PRUNE2: variants seen among roughly 807,000 people sequenced by gnomAD.
PRUNE2 encodes the protein protein prune homolog 2.
Under a neutral mutation model 252.0 loss-of-function variants are expected in PRUNE2, and 164 were observed. The observed-to-expected ratio is 0.65, with a 90% CI of 0.57 to 0.74. The LOEUF is 0.74. Among genes scored for constraint, PRUNE2 ranks in the 30% least tolerant of loss-of-function variants. The pLI, the probability that PRUNE2 is intolerant of heterozygous loss-of-function variation, is 0.00. For synonymous variants in PRUNE2, 1,292 were observed against 1,350.2 expected (o/e 0.96, Z 0.94); for missense variants, 3,495 against 3,711.0 (o/e 0.94, Z 1.51).
chr9:76,804,294 G>A (rs1463778766), intron 6 of PRUNE2, among the ~76,000 whole-genome samples: 1 of 152,212 alleles, frequency 6.6e-6, no homozygotes, highest in African/African-American at 2.4e-5. Context: ...CTATTGCCCA[G>A]GCTTCGGTTG....
At chr9:76,858,785 AAG>A (rs2060398921) in intron 1 of PRUNE2, among the ~76,000 whole-genome samples, 1 of 151,840 alleles carries the variant, frequency 6.6e-6, no homozygotes, top group South Asian at 2.1e-4. Flanking sequence ...AAGAAAAAAA[AAG>A]AAAGTGGCAT....
intron 6 of PRUNE2, among the ~76,000 whole-genome samples, chr9:76,775,093 C>T (rs145996722): frequency 1.6e-3 from 243 of 152,260 alleles, no homozygotes; most frequent in Non-Finnish European, 2.4e-3. Context: ...CTGTTACTTG[C>T]TAAGCTGAAC....
In PRUNE2 at chr9:76,614,210, A is replaced by G. The variant is rs990431359; in HGVS notation, c.*360T>C. ...CACCAAAAGGAAATCCAGCTAATCT[A>G]TGGAAACAAATCCACTCATACTTAA... On this transcript the variant is annotated 3_prime_UTR_variant, in exon 19 of 19. Transcript: ENST00000376718. 6 of 245,722 alleles carry G rather than the reference A, an allele frequency of 2.4e-5. 1 individual carries two copies. Among genetic ancestry groups the G allele is most frequent in the Admixed American group, 1.7e-4 (3 of 17,402 alleles). The allele number at this position is 245,722 out of a possible 1,614,324, so 15.2% of individuals were successfully genotyped here.
intron 1 of PRUNE2, among the ~76,000 whole-genome samples, chr9:76,892,029 T>C (rs371351026): frequency 1.3e-5 from 2 of 149,774 alleles, no homozygotes; most frequent in East Asian, 3.9e-4. Context: ...TTTGAAATAA[T>C]TGAGAGAGGA....
Position 76,629,202 on chromosome 9 carries a change from T to A in PRUNE2, c.9139A>T (p.Ser3047Cys). 6.3e-7 allele frequency: 1 copy of A among 1,597,144 alleles called. No individual in the cohort carries two copies. ...ACTGTCAGGACTTACTTGATGATGC[T>A]CTCTGGAATGTGGATGCAATCCATT... is the stretch of plus-strand genomic sequence containing the variant. The part of the protein sequence containing the change: ...IPMDCIHIPE[S>C]IIKLDEELRE... Residue 3047 changes from serine (S) to cysteine (C), a missense_variant, in exon 16 of 19, where the codon AGC (serine) becomes TGC (cysteine). Transcript: ENST00000376718.
intron 6 of PRUNE2, among the ~76,000 whole-genome samples, chr9:76,714,556 A>G (rs1413394222): frequency 6.6e-6 from 1 of 151,896 alleles, no homozygotes; most frequent in Non-Finnish European, 1.5e-5. Context: ...CACCATGCCC[A>G]GCTAATTTAT....
In PRUNE2 at chr9:76,799,748, T is replaced by C. The variant is rs906260070; in HGVS notation, c.756+23884A>G. Among the ~76,000 whole-genome samples the C allele has an allele frequency of 3.9e-5, 6 of 152,366 alleles. No homozygotes were observed. In the East Asian group the frequency reaches 7.7e-4, roughly 20 times the overall value. ...ACTGTAGATATCTTTATAGATACCA[T>C]AAAACTCTGTTTTGTTTAGTAGCAA... On this transcript the variant is annotated intron_variant, in intron 6 of 18. Coordinates refer to ENST00000376718, the MANE Select transcript of PRUNE2 (RefSeq NM_015225.3).
rs202080520 is a variant in PRUNE2, at chr9:76,690,768, CACAGGG to C, written c.8276+12563_8276+12568del. On this transcript the variant is annotated intron_variant, in intron 9 of 18. Transcript: ENST00000376718. ...AACTTTGCATTACAAAGCTACATCTCACAGGGATGTTTAGGTGCTGCTGACTTCCAA... is the reference window on the plus strand; with the variant it reads ...AACTTTGCATTACAAAGCTACATCTCATGTTTAGGTGCTGCTGACTTCCAA... Among the ~76,000 whole-genome samples, 8 of 152,338 alleles carry C rather than the reference CACAGGG, an allele frequency of 5.3e-5. No individual in the cohort carries two copies. The East Asian group carries it at 1.5e-3, about 29-fold the overall frequency.
intron 9 of PRUNE2, among the ~76,000 whole-genome samples, chr9:76,659,411 T>C (rs1322485910): frequency 8.5e-5 from 13 of 152,216 alleles, no homozygotes; most frequent in Admixed American, 8.5e-4. Flanking sequence ...GAAAAGACAC[T>C]GAATGCTTTT....
intron 6 of PRUNE2, among the ~76,000 whole-genome samples, chr9:76,760,945 G>A (rs1764751978): frequency 6.6e-6 from 1 of 152,026 alleles, no homozygotes; most frequent in South Asian, 2.1e-4. Flanking sequence ...AATTAGCCGG[G>A]TGCGGTGGCC....
chr9:76,631,105 C>T (rs889311687), intron 15 of PRUNE2, among the ~76,000 whole-genome samples: 1 of 152,242 alleles, frequency 6.6e-6, no homozygotes, highest in Non-Finnish European at 1.5e-5. Context: ...ACAGTAGCTT[C>T]TGTCCCTCCT....
intron 6 of PRUNE2, among the ~76,000 whole-genome samples, chr9:76,756,208 A>G (rs2051134060): frequency 1.3e-5 from 2 of 152,254 alleles, no homozygotes; most frequent in Non-Finnish European, 2.9e-5. Context: ...GTAAGTGCAT[A>G]TGTCAAAAGG....
intron 4 of PRUNE2, among the ~76,000 whole-genome samples, chr9:76,839,723 T>C (rs1050995640): frequency 6.6e-6 from 1 of 152,138 alleles, no homozygotes; most frequent in Non-Finnish European, 1.5e-5. Flanking sequence ...AGGGCAACAG[T>C]CAGGCAGCTA....
intron 9 of PRUNE2, among the ~76,000 whole-genome samples, chr9:76,682,206 T>TA (rs1038679799): frequency 4.0e-5 from 6 of 151,792 alleles, no homozygotes; most frequent in Admixed American, 6.6e-5. Context: ...GAGATATTAA[T>TA]AAAAAAACTT....
intron 1 of PRUNE2, among the ~76,000 whole-genome samples, chr9:76,889,284 G>C (rs551319508): frequency 6.6e-6 from 1 of 152,178 alleles, no homozygotes; most frequent in East Asian, 1.9e-4. Context: ...TGCATGCAGG[G>C]CCTGTTTTAT....
At chr9:76,662,983 G>A (rs1588310386) in intron 9 of PRUNE2, among the ~76,000 whole-genome samples, 1 of 152,252 alleles carries the variant, frequency 6.6e-6, no homozygotes, top group African/African-American at 2.4e-5. Context: ...GCCTTCCCTC[G>A]TTAAGAATAT....
At chr9:76,651,572 C>G (rs1294774581) in intron 11 of PRUNE2, among the ~76,000 whole-genome samples, 1 of 152,132 alleles carries the variant, frequency 6.6e-6, no homozygotes, top group Non-Finnish European at 1.5e-5. Flanking sequence ...GAATTCCACC[C>G]TGGCTAGAAC....
At chr9:76,870,262 G>A (rs1033916287) in intron 1 of PRUNE2, among the ~76,000 whole-genome samples, 1 of 149,918 alleles carries the variant, frequency 6.7e-6, no homozygotes. Context: ...AAAGAAGAGA[G>A]CAAGACTCCC....
chr9:76,680,907 T>C (rs2043354764), intron 9 of PRUNE2, among the ~76,000 whole-genome samples: 3 of 152,270 alleles, frequency 2.0e-5, no homozygotes, highest in Admixed American at 6.5e-5. Flanking sequence ...CTCATTATCA[T>C]GAGAACAGCA....
Sources: gnomAD v4.1 joint callset for allele counts (sites outside exome capture counted in the v4.1 genomes callset) on GRCh38, gnomAD v4.1.1 for gene constraint, MANE v1.5 for transcripts, NCBI Gene and HGNC (gene_info 2026-07-23, HGNC 2026-07-21) for gene names.